DCHS2: variants seen among roughly 807,000 people sequenced by gnomAD.
The protein encoded by DCHS2 is protocadherin-23.
DCHS2 carries 142 observed loss-of-function variants against 182.4 expected under a neutral mutation model. The observed-to-expected ratio is 0.78, with a 90% CI of 0.68 to 0.89. The LOEUF (loss-of-function observed/expected upper bound fraction) is 0.89. Among genes scored for constraint, DCHS2 ranks in the 40% least tolerant of loss-of-function variants. The pLI is 0.00. For missense variants in DCHS2, 4,319 were observed against 4,198.6 expected, an observed-to-expected ratio of 1.03 and a Z score of -0.79; for synonymous variants, 1,740 against 1,663.3, an observed-to-expected ratio of 1.05 and a Z score of -1.12.
chr4:154,362,315 G>A (rs1730161086), intron 3 of DCHS2, among the ~76,000 whole-genome samples: 1 of 152,160 alleles, frequency 6.6e-6, no homozygotes, highest in South Asian at 2.1e-4. Flanking sequence ...ACCATGCTGT[G>A]ATTCAGAAAG....
intron 1 of DCHS2, among the ~76,000 whole-genome samples, chr4:154,482,958 A>C (rs1016411731): frequency 1.3e-5 from 2 of 152,200 alleles, no homozygotes; most frequent in African/African-American, 4.8e-5. Context: ...TGTGGAAGAG[A>C]TGCTTAGATG....
chr4:154,280,844 T>G (rs1001191424), intron 13 of DCHS2, among the ~76,000 whole-genome samples: 1 of 143,568 alleles, frequency 7.0e-6, no homozygotes, highest in African/African-American at 2.8e-5. Flanking sequence ...TTTTTTTTTT[T>G]AAAGACAGAG....
intron 1 of DCHS2, among the ~76,000 whole-genome samples, chr4:154,439,360 A>G (rs907227016): frequency 6.6e-6 from 1 of 152,180 alleles, no homozygotes; most frequent in African/African-American, 2.4e-5. Flanking sequence ...CAACATTCTG[A>G]AAAAGTCCAT....
intron 3 of DCHS2, chr4:154,357,175 GA>G (rs1426009288): frequency 7.5e-7 from 1 of 1,331,562 alleles, no homozygotes; most frequent in Non-Finnish European, 1.1e-6. Flanking sequence ...CCTTTTTGGT[GA>G]ATGCTTCTGA....
rs1728840737 is a variant in DCHS2 at position 154,491,612 on chromosome 4, T to C, written c.-257A>G. 7.5e-7 allele frequency: 1 copy of C among 1,327,170 alleles called. No individual in the cohort carries two copies. Among genetic ancestry groups the C allele is most frequent in the Non-Finnish European group, 9.6e-7 (1 of 1,045,388 alleles). 82.2% of individuals were successfully genotyped at this position (1,327,170 alleles called of 1,614,324 possible). ...CCACCTCTTCTGCCCCTGGATTTCT[T>C]TAAACGAATCTCATCTCTTTTTCTC... On this transcript the variant is annotated 5_prime_UTR_variant, in exon 1 of 20. It removes the in-frame stop codon of an upstream open reading frame in the 5' UTR. Coordinates refer to ENST00000357232, the MANE Select transcript of DCHS2 (RefSeq NM_001358235.2).
At chr4:154,289,182 A>G (rs1186812466) in intron 13 of DCHS2, among the ~76,000 whole-genome samples, 1 of 152,104 alleles carries the variant, frequency 6.6e-6, no homozygotes, top group African/African-American at 2.4e-5. Flanking sequence ...AACAAAATCA[A>G]CAAACCTTTA....
intron 5 of DCHS2, chr4:154,331,726 G>T (rs2111360312): frequency 1.2e-6 from 2 of 1,607,994 alleles, no homozygotes; most frequent in East Asian, 2.2e-5. Context: ...TGCACAAAAA[G>T]GGAGCTTCTT....
At chr4:154,461,695 G>T (rs985034681) in intron 1 of DCHS2, among the ~76,000 whole-genome samples, 17 of 152,130 alleles carry the variant, frequency 1.1e-4, no homozygotes, top group African/African-American at 3.6e-4. Context: ...TCCATGTATT[G>T]TAAGAAGGGA....
intron 1 of DCHS2, among the ~76,000 whole-genome samples, chr4:154,458,743 G>T (rs1734877909): frequency 6.6e-6 from 1 of 152,068 alleles, no homozygotes; most frequent in Non-Finnish European, 1.5e-5. Flanking sequence ...TAAAACAAAT[G>T]GAATTCTCTG....
At chr4:154,425,589 A>G (rs879910061) in intron 1 of DCHS2, among the ~76,000 whole-genome samples, 1 of 152,174 alleles carries the variant, frequency 6.6e-6, no homozygotes, top group Non-Finnish European at 1.5e-5. Flanking sequence ...AACACTTAGC[A>G]GGAACTGAAT....
At chr4:154,292,335 T>A (rs1734705532) in intron 13 of DCHS2, among the ~76,000 whole-genome samples, 1 of 152,216 alleles carries the variant, frequency 6.6e-6, no homozygotes. Flanking sequence ...TTTGTCTGAT[T>A]TCAGGGACTG....
At chr4:154,395,090 T>C (rs1402545409) in intron 1 of DCHS2, among the ~76,000 whole-genome samples, 1 of 152,098 alleles carries the variant, frequency 6.6e-6, no homozygotes, top group Non-Finnish European at 1.5e-5. Flanking sequence ...ATTTTGTGTT[T>C]TAAATGAGAT....
chr4:154,350,116 C>T (rs1729538433), intron 3 of DCHS2, among the ~76,000 whole-genome samples: 2 of 152,206 alleles, frequency 1.3e-5, no homozygotes, highest in Non-Finnish European at 2.9e-5. Flanking sequence ...CGCGTAGGCT[C>T]TACCTTACAG....
chr4:154,320,913 G>A lies in DCHS2; in HGVS notation c.4486C>T (p.Leu1496Phe), dbSNP rs1736035447. The change falls in exon 9 of 20, where the codon CTT (leucine) becomes TTT (phenylalanine). Residue 1496 changes from leucine to phenylalanine, a missense_variant. Physicochemically the swap from Leu to Phe is conservative, Grantham distance 22 (BLOSUM62 0). Transcript: ENST00000357232. Reference protein sequence around the residue: ...KNLSLSSTVFLSIDVEDQNDH... With the variant: ...KNLSLSSTVFFSIDVEDQNDH... ...TTCTGATCTTCCACATCGATACTAA[G>A]GAAGACTGTGCTACTCAGGGAAAGG... 1.2e-6 allele frequency: 2 copies of A among 1,613,878 alleles called. No homozygotes were observed. Among genetic ancestry groups the A allele is most frequent in the Admixed American group, 1.7e-5 (1 of 59,974 alleles).
intron 13 of DCHS2, among the ~76,000 whole-genome samples, chr4:154,290,997 C>A (rs1309295854): frequency 2.0e-5 from 3 of 151,896 alleles, no homozygotes; most frequent in Non-Finnish European, 4.4e-5. Context: ...AAAAGTGAAG[C>A]GACAACCCAC....
At chr4:154,405,306 G>T (rs976238485) in intron 1 of DCHS2, among the ~76,000 whole-genome samples, 1 of 151,650 alleles carries the variant, frequency 6.6e-6, no homozygotes, top group African/African-American at 2.4e-5. Flanking sequence ...TCTTTGTTTG[G>T]TTTTTCAGCA....
intron 1 of DCHS2, among the ~76,000 whole-genome samples, chr4:154,395,752 G>A (rs529006431): frequency 6.6e-6 from 1 of 152,256 alleles, no homozygotes; most frequent in East Asian, 1.9e-4. Context: ...TGGGTTTCTT[G>A]GAAAGCCCTC....
chr4:154,331,487 C>T, intron 5 of DCHS2: 2 of 1,375,108 alleles, frequency 1.5e-6, no homozygotes, highest in East Asian at 2.5e-5. Flanking sequence ...GCAGGAGTCT[C>T]AGTTTAGGGA....
Position 154,279,455 on chromosome 4 carries a change from A to T in DCHS2, c.6464-9442T>A, listed in dbSNP as rs116724263. ...TCCAAAAGAGTGTAGGGTTGGCCAT[A>T]CTTTTATCAGGAAAAATTGGCTTTA... is the stretch of plus-strand genomic sequence containing the variant. On this transcript the variant is annotated intron_variant, in intron 13 of 19. Transcript: ENST00000357232. 4.7e-3 allele frequency among the ~76,000 whole-genome samples: 721 copies of T among 152,112 alleles called. 5 individuals carry two copies. The highest frequency in any genetic ancestry group is 0.016 in the African/African-American group (681 of 41,570).
Sources: allele counts gnomAD v4.1 joint callset (sites outside exome capture counted in the v4.1 genomes callset), GRCh38; gene constraint gnomAD v4.1.1; transcripts MANE v1.5; gene names NCBI Gene and HGNC (gene_info 2026-07-23, HGNC 2026-07-21).